CPXM2: variants seen among roughly 807,000 people sequenced by gnomAD.
CPXM2 encodes the protein inactive carboxypeptidase-like protein X2.
Under a neutral mutation model 86.1 loss-of-function variants are expected in CPXM2, and 66 were observed. The observed-to-expected ratio is 0.77, with a 90% CI of 0.63 to 0.94. CPXM2 has a LOEUF of 0.94. CPXM2 is among the 40% of genes least tolerant of loss of function. The pLI, the probability that CPXM2 is intolerant of heterozygous loss-of-function variation, is 0.00. For missense variants in CPXM2, 948 were observed against 1,026.3 expected, an observed-to-expected ratio of 0.92 and a Z score of 1.04; for synonymous variants, 388 against 400.2, an observed-to-expected ratio of 0.97 and a Z score of 0.36.
chr10:123,916,935 GCCCAGCTCTGAT>G (rs1380332971), intron 2 of CPXM2, among the ~76,000 whole-genome samples: 3 of 152,036 alleles, frequency 2.0e-5, no homozygotes, highest in Non-Finnish European at 4.4e-5. Flanking sequence ...ATGCCACCAC[GCCCAGCTCTGAT>G]CCTCATCTTG....
intron 2 of CPXM2, among the ~76,000 whole-genome samples, chr10:123,863,895 C>G (rs1452481368): frequency 1.3e-5 from 2 of 152,216 alleles, no homozygotes; most frequent in Non-Finnish European, 2.9e-5. Context: ...CCATTCGCCT[C>G]TTGGAGCTCA....
At chr10:123,792,826 C>T (rs17106061) in intron 6 of CPXM2, among the ~76,000 whole-genome samples, 35,792 of 152,096 alleles carry the variant, frequency 0.24, 5,819 homozygotes, top group African/African-American at 0.47. Context: ...TACTCATGCA[C>T]ACAAATCGGC....
intron 4 of CPXM2, among the ~76,000 whole-genome samples, chr10:123,825,153 C>G (rs977627904): frequency 6.6e-6 from 1 of 152,178 alleles, no homozygotes; most frequent in African/African-American, 2.4e-5. Context: ...TGTGGACAAT[C>G]TAGTGGCTAG....
chr10:123,866,355 G>A (rs1311067668), intron 2 of CPXM2, among the ~76,000 whole-genome samples: 1 of 152,034 alleles, frequency 6.6e-6, no homozygotes, highest in African/African-American at 2.4e-5. Context: ...ATTGAGGTCA[G>A]GATTTCGAGA....
At chr10:123,822,447 G>C (rs1290226851) in intron 4 of CPXM2, among the ~76,000 whole-genome samples, 1 of 152,104 alleles carries the variant, frequency 6.6e-6, no homozygotes, top group Non-Finnish European at 1.5e-5. Context: ...AGAACATAGA[G>C]ATTGCATACT....
intron 3 of CPXM2, among the ~76,000 whole-genome samples, chr10:123,856,969 T>C (rs886425225): frequency 6.6e-6 from 1 of 152,214 alleles, no homozygotes; most frequent in African/African-American, 2.4e-5. Context: ...TGTCCGTAGT[T>C]GCTCCCAGAA....
chr10:123,761,981 G>A lies in CPXM2; in HGVS notation c.1668C>T (p.Ala556=), dbSNP rs750058389. The A allele has an allele frequency of 6.2e-7, 1 of 1,613,886 alleles. No individual in the cohort carries two copies. The highest frequency in any genetic ancestry group is 1.1e-5 in the South Asian group (1 of 91,058). Residue 556 remains alanine (A), a synonymous_variant, in exon 11 of 14, where the codon GCC becomes GCT. Transcript: ENST00000241305. Reference sequence around the variant, plus strand: ...CGTCTGTCATGAGGCGGTGTGTGGAGGCATAGGAGTAGGCCAGCCAGCGGA... The same window carrying A: ...CGTCTGTCATGAGGCGGTGTGTGGAAGCATAGGAGTAGGCCAGCCAGCGGA... The part of the protein sequence containing the change: ...HVFRWLAYSY[A]STHRLMTDAR...
Position 123,798,090 on chromosome 10 carries a change from G to T in CPXM2, c.775C>A (p.Leu259Ile). ...EGNSEKEIPV[L>I]NELPVPMVAR... ...ACCATGGGGACGGGTAGCTCATTGA[G>T]AACAGGGATCTCCTTCTCACTGTTT... Residue 259 changes from leucine (L) to isoleucine (I), a missense_variant, in exon 6 of 14, where the codon CTC (leucine) becomes ATC (isoleucine). By Grantham distance (5) the Leu-to-Ile change is conservative. Coordinates refer to ENST00000241305, the MANE Select transcript of CPXM2 (RefSeq NM_198148.3). 2 of 1,610,856 alleles carry T rather than the reference G, an allele frequency of 1.2e-6. No individual in the cohort carries two copies. The highest frequency in any genetic ancestry group is 1.7e-6 in the Non-Finnish European group (2 of 1,178,384).
intron 1 of CPXM2, among the ~76,000 whole-genome samples, chr10:123,882,670 G>A (rs907597121): frequency 3.9e-5 from 6 of 152,126 alleles, no homozygotes; most frequent in African/African-American, 2.4e-5. Flanking sequence ...CCTCCCTGGG[G>A]CCTCCATGGA....
intron 4 of CPXM2, among the ~76,000 whole-genome samples, chr10:123,830,870 C>CTGTGTGTGTGTG (rs1431527812): frequency 0.016 from 1,617 of 102,470 alleles, 13 homozygotes; most frequent in East Asian, 0.03. Flanking sequence ...CTCTCTCTCT[C>CTGTGTGTGTGTG]TCTGTGTGTG....
intron 2 of CPXM2, among the ~76,000 whole-genome samples, chr10:123,934,175 C>T (rs1590129423): frequency 1.3e-5 from 2 of 152,164 alleles, no homozygotes; most frequent in African/African-American, 4.8e-5. Context: ...CTGCTGTACC[C>T]AATGACACCG....
intron 3 of CPXM2, among the ~76,000 whole-genome samples, chr10:123,845,699 A>G (rs1848480995): frequency 6.6e-6 from 1 of 152,168 alleles, no homozygotes; most frequent in African/African-American, 2.4e-5. Flanking sequence ...TTTCCCAGTT[A>G]AGTCTTCAAA....
chr10:123,797,795 G>T (rs1182675756), intron 6 of CPXM2, among the ~76,000 whole-genome samples, 181 bp downstream of exon 6: 1 of 151,886 alleles, frequency 6.6e-6, no homozygotes, highest in Non-Finnish European at 1.5e-5. Context: ...TGTGGCCCAG[G>T]CTGGTCTTGG....
chr10:123,772,298 G>A (rs1383102789), intron 7 of CPXM2, among the ~76,000 whole-genome samples: 1 of 151,612 alleles, frequency 6.6e-6, no homozygotes, highest in East Asian at 1.9e-4. Flanking sequence ...CACCTCCCTG[G>A]TTGTAGTCAC....
intron 2 of CPXM2, among the ~76,000 whole-genome samples, chr10:123,867,779 C>T (rs192022126): frequency 6.6e-5 from 10 of 152,256 alleles, no homozygotes; most frequent in Admixed American, 5.2e-4. Flanking sequence ...GTGATCTGCC[C>T]GCCTTGGCCT....
At chr10:123,770,154 A>T (rs1846593289) in intron 8 of CPXM2, among the ~76,000 whole-genome samples, 1 of 152,136 alleles carries the variant, frequency 6.6e-6, no homozygotes, top group Non-Finnish European at 1.5e-5. Flanking sequence ...CATGCCTGTA[A>T]TCCCAGCTAC....
At chr10:123,787,078 T>C (rs984486719) in intron 6 of CPXM2, among the ~76,000 whole-genome samples, 2 of 152,104 alleles carry the variant, frequency 1.3e-5, no homozygotes, top group African/African-American at 4.8e-5. Context: ...CAGGCCACAA[T>C]CCCTCAGAGG....
intron 2 of CPXM2, among the ~76,000 whole-genome samples, chr10:123,867,912 C>T (rs1317474006): frequency 6.6e-6 from 1 of 152,116 alleles, no homozygotes; most frequent in Non-Finnish European, 1.5e-5. Context: ...GGTTCTCCTG[C>T]TAAGGGGAAC....
chr10:123,789,596 T>C (rs938040868), intron 6 of CPXM2, among the ~76,000 whole-genome samples: 43 of 152,276 alleles, frequency 2.8e-4, no homozygotes, highest in African/African-American at 9.9e-4. Context: ...AAATGCTTGT[T>C]CCTTGGTGCT....
Sources: allele counts gnomAD v4.1 joint callset (sites outside exome capture counted in the v4.1 genomes callset), GRCh38; gene constraint gnomAD v4.1.1; transcripts MANE v1.5; gene names NCBI Gene and HGNC (gene_info 2026-07-23, HGNC 2026-07-21).